KAZN: variants seen among roughly 807,000 people sequenced by gnomAD.
KAZN encodes the protein kazrin.
Under a neutral mutation model 87.4 loss-of-function variants are expected in KAZN, and 40 were observed. The ratio of observed to expected loss-of-function variants is 0.46; its 90% CI spans 0.36 to 0.60. The LOEUF (loss-of-function observed/expected upper bound fraction) is 0.60, where lower values mean the gene tolerates loss of function less well. Ranked by LOEUF, KAZN falls within the 20% of genes least tolerant of loss-of-function variation. The pLI, the probability that KAZN is intolerant of heterozygous loss-of-function variation, is 0.00. For synonymous variants in KAZN, 466 were observed against 458.3 expected (o/e 1.02, Z -0.22); for missense variants, 898 against 1,073.9 (o/e 0.84, Z 2.29).
At chr1:14,878,429 T>C (rs1198567350) in intron 1 of KAZN, among the ~76,000 whole-genome samples, 1 of 151,742 alleles carries the variant, frequency 6.6e-6, no homozygotes, top group Admixed American at 6.6e-5. Flanking sequence ...CTCAACTGGG[T>C]ACCAAAATCC....
intron 2 of KAZN, among the ~76,000 whole-genome samples, chr1:14,259,282 T>G (rs1650825297): frequency 6.6e-6 from 1 of 152,108 alleles, no homozygotes; most frequent in South Asian, 2.1e-4. Context: ...TGCGAGCCTC[T>G]GAGGGCTGAG....
chr1:14,343,313 C>T (rs570194759), intron 2 of KAZN, among the ~76,000 whole-genome samples: 34 of 152,216 alleles, frequency 2.2e-4, no homozygotes, highest in South Asian at 8.3e-4. Context: ...ATCAGAAAGA[C>T]GATTTGAGTC....
At chr1:14,889,535 T>C (rs1654475909) in intron 1 of KAZN, among the ~76,000 whole-genome samples, 1 of 152,202 alleles carries the variant, frequency 6.6e-6, no homozygotes, top group East Asian at 1.9e-4. Flanking sequence ...CTGGTGCTTG[T>C]CCAGAGTGTA....
intron 2 of KAZN, among the ~76,000 whole-genome samples, chr1:14,964,137 G>A (rs771376405): frequency 3.3e-5 from 5 of 152,118 alleles, no homozygotes; most frequent in Non-Finnish European, 7.3e-5. Context: ...AATCCTTTGG[G>A]TATGTGCCCA....
At chr1:14,809,011 T>C (rs1171506068) in intron 1 of KAZN, among the ~76,000 whole-genome samples, 2 of 152,208 alleles carry the variant, frequency 1.3e-5, no homozygotes, top group Non-Finnish European at 2.9e-5. Context: ...AAAGAGTTTC[T>C]AGTCATGTGA....
At chr1:14,947,249 G>C (rs766289532) in intron 1 of KAZN, among the ~76,000 whole-genome samples, 8 of 152,204 alleles carry the variant, frequency 5.3e-5, no homozygotes, top group Non-Finnish European at 8.8e-5. Context: ...TTCCTCTTGG[G>C]GTGTTGGTAA....
intron 1 of KAZN, among the ~76,000 whole-genome samples, chr1:14,866,741 T>A (rs1651504244): frequency 6.6e-6 from 1 of 151,688 alleles, no homozygotes; most frequent in African/African-American, 2.4e-5. Context: ...AAAAAAAAAA[T>A]GTTGAAGGAT....
intron 1 of KAZN, among the ~76,000 whole-genome samples, chr1:14,852,944 C>T (rs1293852118): frequency 6.6e-6 from 1 of 152,156 alleles, no homozygotes; most frequent in Non-Finnish European, 1.5e-5. Flanking sequence ...TCAGGTGATT[C>T]CTATGCTCTT....
chr1:15,013,521 A>C (rs1441835960), intron 2 of KAZN, among the ~76,000 whole-genome samples: 1 of 152,148 alleles, frequency 6.6e-6, no homozygotes, highest in Non-Finnish European at 1.5e-5. Context: ...TGGGAGGCCA[A>C]AGTGGGCGGA....
intron 2 of KAZN, among the ~76,000 whole-genome samples, chr1:14,986,232 G>A (rs964394341): frequency 5.3e-5 from 8 of 152,058 alleles, no homozygotes; most frequent in African/African-American, 1.9e-4. Flanking sequence ...TCAGTGGGTA[G>A]TACAGTAATA....
intron 1 of KAZN, among the ~76,000 whole-genome samples, chr1:14,779,865 G>A (rs1645281904): frequency 6.6e-6 from 1 of 152,192 alleles, no homozygotes; most frequent in Admixed American, 6.5e-5. Flanking sequence ...GTTGACTCCC[G>A]TTTAAGAAAT....
At chr1:14,900,475 C>T (rs965909221) in intron 1 of KAZN, among the ~76,000 whole-genome samples, 3 of 151,992 alleles carry the variant, frequency 2.0e-5, no homozygotes, top group Admixed American at 1.3e-4. Context: ...TATGGTTGGC[C>T]GGGCGCAGTG....
intron 1 of KAZN, among the ~76,000 whole-genome samples, chr1:13,985,908 G>A (rs1638993988): frequency 6.6e-6 from 1 of 152,106 alleles, no homozygotes; most frequent in Admixed American, 6.5e-5. Flanking sequence ...TATACCATAT[G>A]TTGTTTATCC....
chr1:14,440,732 T>G (rs1666651369), intron 2 of KAZN, among the ~76,000 whole-genome samples: 2 of 152,124 alleles, frequency 1.3e-5, no homozygotes, highest in Non-Finnish European at 2.9e-5. Context: ...TGCTCTTCTG[T>G]TTTGGCAGAG....
chr1:14,172,828 CA>C (rs1375993520), intron 1 of KAZN, among the ~76,000 whole-genome samples: 1 of 152,186 alleles, frequency 6.6e-6, no homozygotes, highest in Non-Finnish European at 1.5e-5. Flanking sequence ...ATGGCTTTTT[CA>C]CTCGTGTATC....
Position 15,115,331 on chromosome 1 carries a change from C to A in KAZN, c.*696C>A, listed in dbSNP as rs1641806815. 6.6e-6 allele frequency: 1 copy of A among 152,276 alleles called. No individual in the cohort carries two copies. Among genetic ancestry groups the A allele is most frequent in the Non-Finnish European group, 1.5e-5 (1 of 68,092 alleles). The allele number at this position is 152,276 out of a possible 1,614,324, so 9.4% of individuals were successfully genotyped here. On this transcript the variant is annotated 3_prime_UTR_variant, in exon 15 of 15. Coordinates refer to ENST00000376030, the MANE Select transcript of KAZN (RefSeq NM_201628.3). This position sits in a 1 kb window ranked among gnomAD's most constrained non-coding sequence, Gnocchi z 4.1. ...GCTGAGTGGGGAGCCGGTGAATGAT[C>A]CGTGCAGGAGTGGGGCTTAGCAGCC...
At position 15,101,791 on chromosome 1, in the gene KAZN, A is replaced by G; in HGVS notation, c.1779+17A>G. ...AGCAGGGAGGTGAGGACCAGGGCACAGGGTGGGGGCACCTTCCACTGCCCA... is the reference window on the plus strand; with the variant it reads ...AGCAGGGAGGTGAGGACCAGGGCACGGGGTGGGGGCACCTTCCACTGCCCA... On this transcript the variant is annotated intron_variant, in intron 11 of 14. Transcript: ENST00000376030. 1 of 1,541,880 alleles carries G rather than the reference A, an allele frequency of 6.5e-7. No individual in the cohort carries two copies. The highest frequency in any genetic ancestry group is 1.2e-5 in the South Asian group (1 of 84,034).
At chr1:13,990,009 G>A (rs1639203949) in intron 1 of KAZN, among the ~76,000 whole-genome samples, 1 of 152,218 alleles carries the variant, frequency 6.6e-6, no homozygotes, top group Non-Finnish European at 1.5e-5. Flanking sequence ...AAAGTACAGA[G>A]AATGTGTTAC....
At chr1:14,126,353 TC>T (rs111821810) in intron 1 of KAZN, among the ~76,000 whole-genome samples, 460 of 34,118 alleles carry the variant, frequency 0.013, no homozygotes, top group South Asian at 0.075. Context: ...AGCTCTCCCC[TC>T]CCCCCCCCCG....
Sources: allele counts gnomAD v4.1 joint callset (sites outside exome capture counted in the v4.1 genomes callset), GRCh38; gene constraint gnomAD v4.1.1; non-coding constraint Gnocchi (gnomAD v3.1); transcripts MANE v1.5; gene names NCBI Gene and HGNC (gene_info 2026-07-23, HGNC 2026-07-21).